PLA1A: variants seen among roughly 807,000 people sequenced by gnomAD.
The protein encoded by PLA1A is phospholipase A1 member A.
PLA1A carries 47 observed loss-of-function variants against 49.4 expected under a neutral mutation model. That is an observed-to-expected ratio of 0.95 (90% CI 0.75 to 1.21). The LOEUF (loss-of-function observed/expected upper bound fraction) is 1.21. Ranked by LOEUF, PLA1A falls within the 50% of genes most tolerant of loss-of-function variation. PLA1A has a pLI of 0.00. For synonymous variants in PLA1A, 224 were observed against 207.9 expected (o/e 1.08, Z -0.67); for missense variants, 561 against 563.9 (o/e 0.99, Z 0.05).
chr3:119,618,326 C>A (rs2082880999), intron 7 of PLA1A, 140 bp downstream of exon 7: 1 of 762,816 alleles, frequency 1.3e-6, no homozygotes, highest in Non-Finnish European at 2.2e-6. Context: ...ATGAGGTGCT[C>A]AGCCTGTTCT....
In PLA1A at chr3:119,619,509, G is replaced by A. The variant is rs1036371518; in HGVS notation, c.923-54G>A. The stretch of plus-strand genomic sequence containing the variant: ...AATAAACACGTGGCTGGGTGCTGTG[G>A]GACCCTAAGATAGCCTTCTCAGGAC... On this transcript the variant is annotated intron_variant, in intron 7 of 10. Transcript: ENST00000273371. 7.4e-6 allele frequency: 9 copies of A among 1,209,488 alleles called. No individual in the cohort carries two copies. The Admixed American group carries it at 1.3e-4, about 18-fold the overall frequency. The allele number at this position is 1,209,488 out of a possible 1,614,324, so 74.9% of individuals were successfully genotyped here.
chr3:119,617,234 G>A (rs182518652), intron 6 of PLA1A, among the ~76,000 whole-genome samples: 2 of 152,314 alleles, frequency 1.3e-5, no homozygotes, highest in Admixed American at 6.5e-5. Flanking sequence ...GGCCCGGTGA[G>A]CCTCAGCACA....
intron 6 of PLA1A, among the ~76,000 whole-genome samples, chr3:119,617,272 C>T (rs1049557801): frequency 4.6e-5 from 7 of 152,080 alleles, no homozygotes; most frequent in Non-Finnish European, 7.4e-5. Flanking sequence ...CCACAAACGG[C>T]GGCTGATGCA....
rs151031601 is a variant in PLA1A, at chr3:119,621,263, T to C, written c.1012+1611T>C. Among the ~76,000 whole-genome samples, 254 of 152,334 alleles carry C rather than the reference T, an allele frequency of 1.7e-3. 2 individuals carry two copies. Among genetic ancestry groups the C allele is most frequent in the African/African-American group, 5.8e-3 (243 of 41,576 alleles). On this transcript the variant is annotated intron_variant, in intron 8 of 10. Transcript: ENST00000273371. ...CCTGCTGAGGGGGTTCACAGGGCCA[T>C]GTTTTTTCTGACTCTTTTGTATTTA... is the stretch of plus-strand genomic sequence containing the variant.
At chr3:119,613,145 G>A in intron 5 of PLA1A, 27 bp downstream of exon 5, 1 of 1,483,864 alleles carries the variant, frequency 6.7e-7, no homozygotes, top group African/African-American at 1.4e-5. Flanking sequence ...TTCCTGGGAT[G>A]AGGGAATGAG....
In PLA1A at chr3:119,606,927, C is replaced by T. The variant is rs2082697324; in HGVS notation, c.227C>T (p.Ser76Phe). The change falls in exon 2 of 11, where the codon TCT becomes TTT. Residue 76 changes from serine (S) to phenylalanine (F), a missense_variant. By Grantham distance (155) the Ser-to-Phe change is radical. Transcript: ENST00000273371. Reference sequence around the variant, plus strand: ...GAAGGAAGCAGTGACCTCCAAAACTCTGGGTTCAATGCCACTCTGGGAACC... The same window carrying T: ...GAAGGAAGCAGTGACCTCCAAAACTTTGGGTTCAATGCCACTCTGGGAACC... ...LVEGSSDLQN[S>F]GFNATLGTKL... The T allele has an allele frequency of 6.2e-7, 1 of 1,614,068 alleles. No homozygotes were observed. The highest frequency in any genetic ancestry group is 1.7e-5 in the Admixed American group (1 of 60,008).
intron 10 of PLA1A, among the ~76,000 whole-genome samples, chr3:119,629,085 G>A (rs970742277): frequency 2.6e-5 from 4 of 152,192 alleles, no homozygotes; most frequent in Non-Finnish European, 5.9e-5. Flanking sequence ...TTCTATGTAA[G>A]ATTTTATTAG....
intron 6 of PLA1A, among the ~76,000 whole-genome samples, chr3:119,616,435 A>C (rs191279093): frequency 4.1e-4 from 62 of 152,366 alleles, no homozygotes; most frequent in African/African-American, 1.3e-3. Flanking sequence ...ACAGTCCTCT[A>C]AAATTGTTTT....
intron 4 of PLA1A, 127 bp from the exon 5 acceptor site, chr3:119,612,890 C>A: frequency 1.7e-6 from 1 of 590,422 alleles, no homozygotes; most frequent in Non-Finnish European, 2.9e-6. Flanking sequence ...TCAGCTAATT[C>A]TCCCAACCCT....
chr3:119,628,141 T>C (rs2052569812), intron 9 of PLA1A, among the ~76,000 whole-genome samples: 1 of 152,228 alleles, frequency 6.6e-6, no homozygotes, highest in Non-Finnish European at 1.5e-5. Context: ...AGCTGGAACT[T>C]ACACCTAGTT....
intron 4 of PLA1A, among the ~76,000 whole-genome samples, chr3:119,612,079 C>T (rs904975020): frequency 1.3e-5 from 2 of 152,094 alleles, no homozygotes; most frequent in Non-Finnish European, 2.9e-5. Context: ...GCTTCCTAGC[C>T]TTTTGGTGGG....
At chr3:119,618,363 G>A (rs939389298) in intron 7 of PLA1A, among the ~76,000 whole-genome samples, 177 bp downstream of exon 7, 6 of 152,114 alleles carry the variant, frequency 3.9e-5, no homozygotes, top group African/African-American at 4.8e-5. Flanking sequence ...GTTGGTTCTC[G>A]TGCCCCACCC....
rs1254781884 is a variant in PLA1A, at chr3:119,628,574, T to C, written c.1122-127T>C. On this transcript the variant is annotated intron_variant, in intron 9 of 10. Coordinates refer to ENST00000273371, the MANE Select transcript of PLA1A (RefSeq NM_015900.4). Reference sequence around the variant, plus strand: ...GTGAAGGTGACACAAAGGACTGTGGTAAGGAGCTAACCCCTTGGTGCATGA... The same window carrying C: ...GTGAAGGTGACACAAAGGACTGTGGCAAGGAGCTAACCCCTTGGTGCATGA... The C allele has an allele frequency of 2.1e-5, 15 of 722,658 alleles. No homozygotes were observed. The Admixed American group carries it at 3.8e-4, about 18-fold the overall frequency. The allele number at this position is 722,658 out of a possible 1,614,324, so 44.8% of individuals were successfully genotyped here. A position where few individuals can be genotyped will look rare whatever the true frequency, so the allele number is the denominator to read the frequency against.
chr3:119,629,498 A>ATAT lies in PLA1A; in HGVS notation c.*31_*32insATT, dbSNP rs1553795318. ...ACCTGGGCAGGACACATCTCCCTGC[A>ATAT]TTTTTTTTTTTTTTTTGAGAGAGAG... On this transcript the variant is annotated 3_prime_UTR_variant, in exon 11 of 11. Coordinates refer to ENST00000273371, the MANE Select transcript of PLA1A (RefSeq NM_015900.4). The ATAT allele has an allele frequency of 5.2e-4, 455 of 876,684 alleles. 2 individuals are homozygous for ATAT. The highest frequency in any genetic ancestry group is 7.2e-4 in the Non-Finnish European group (407 of 566,768). 54.3% of individuals were successfully genotyped at this position (876,684 alleles called of 1,614,324 possible).
intron 1 of PLA1A, chr3:119,600,303 C>T: frequency 1.4e-6 from 1 of 693,360 alleles, no homozygotes; most frequent in Non-Finnish European, 2.6e-6. Flanking sequence ...GACTGTGGAG[C>T]TTTAGATTGT....
intron 1 of PLA1A, among the ~76,000 whole-genome samples, chr3:119,604,589 G>A (rs2082661826): frequency 6.6e-6 from 1 of 152,196 alleles, no homozygotes; most frequent in Non-Finnish European, 1.5e-5. Flanking sequence ...GTAGTAGATT[G>A]TGGCTCTCAG....
Position 119,629,556 on chromosome 3 carries a change from G to A in PLA1A, c.*88G>A. 1 of 751,372 alleles carries A rather than the reference G, an allele frequency of 1.3e-6. No homozygotes were observed. Among genetic ancestry groups the A allele is most frequent in the Non-Finnish European group, 2.4e-6 (1 of 423,126 alleles). 46.5% of individuals were successfully genotyped at this position (751,372 alleles called of 1,614,324 possible). ...GAGGGATGTGTGTGTGCAGCTTATT[G>A]TAGACCATTACTACTAAGGAGAAAA... On this transcript the variant is annotated 3_prime_UTR_variant, in exon 11 of 11. Coordinates refer to ENST00000273371, the MANE Select transcript of PLA1A (RefSeq NM_015900.4).
chr3:119,627,247 G>A (rs1467659369), intron 9 of PLA1A, among the ~76,000 whole-genome samples: 1 of 152,168 alleles, frequency 6.6e-6, no homozygotes, highest in Non-Finnish European at 1.5e-5. Flanking sequence ...AAAACGGGGA[G>A]GTTATGTGTG....
chr3:119,626,015 C>T (rs1208790423), intron 9 of PLA1A, among the ~76,000 whole-genome samples: 1 of 152,086 alleles, frequency 6.6e-6, no homozygotes, highest in Non-Finnish European at 1.5e-5. Flanking sequence ...AGAGGAGGTC[C>T]AAGAGAAGGA....
Sources: allele counts gnomAD v4.1 joint callset (sites outside exome capture counted in the v4.1 genomes callset), GRCh38; gene constraint gnomAD v4.1.1; transcripts MANE v1.5; gene names NCBI Gene and HGNC (gene_info 2026-07-23, HGNC 2026-07-21).